The following ZNF835 variants were observed in gnomAD, a reference collection of about 807,000 sequenced individuals.
The protein encoded by ZNF835 is zinc finger protein 835.
For synonymous variants in ZNF835, 323 were observed against 324.7 expected, an observed-to-expected ratio of 0.99 and a Z score of 0.06; for missense variants, 783 against 758.4, an observed-to-expected ratio of 1.03 and a Z score of -0.38.
chr19:56,663,973 T>C lies in ZNF835; in HGVS notation c.1226A>G (p.Gln409Arg), dbSNP rs1403400521. 2 of 1,610,876 alleles carry C rather than the reference T, an allele frequency of 1.2e-6. No homozygotes were observed. The highest frequency in any genetic ancestry group is 1.7e-5 in the Admixed American group (1 of 59,928). ...FSHVSSLIEH[Q>R]KIHTGERPYK... ...GGGCCGCTCTCCGGTGTGGATCTTCTGGTGCTCTATAAGCGAGGACACGTG... is the reference window on the plus strand; with the variant it reads ...GGGCCGCTCTCCGGTGTGGATCTTCCGGTGCTCTATAAGCGAGGACACGTG... Residue 409 changes from glutamine (Q) to arginine (R), a missense_variant, in exon 2 of 2, where the codon CAG becomes CGG. Physicochemically the swap from Gln to Arg is conservative, Grantham distance 43. Coordinates refer to ENST00000537055, the MANE Select transcript of ZNF835 (RefSeq NM_001005850.3).
chr19:56,669,359 C>T (rs961323672), intron 1 of ZNF835, among the ~76,000 whole-genome samples: 4 of 152,080 alleles, frequency 2.6e-5, no homozygotes, highest in Admixed American at 6.6e-5. Flanking sequence ...ATGACACGGG[C>T]GTGACTGACA....
At position 56,663,162 on chromosome 19, in the gene ZNF835, G is replaced by GGA. The variant is rs2045200102; in HGVS notation, c.*422_*423insTC. Reference sequence around the variant, plus strand: ...GGCGACAGAGCAAGACTCCGTCTCAGAAAAAAAAAAAAAAAAAAATTAGCC... The same window carrying GGA: ...GGCGACAGAGCAAGACTCCGTCTCAGGAAAAAAAAAAAAAAAAAAAATTAGCC... On this transcript the variant is annotated 3_prime_UTR_variant, in exon 2 of 2. Coordinates refer to ENST00000537055, the MANE Select transcript of ZNF835 (RefSeq NM_001005850.3). 8.2e-6 allele frequency: 1 copy of GGA among 122,458 alleles called. No individual in the cohort carries two copies. The highest frequency in any genetic ancestry group is 1.6e-5 in the Non-Finnish European group (1 of 63,770). The allele number at this position is 122,458 out of a possible 1,614,324, so 7.6% of individuals were successfully genotyped here.
rs759310456 is a variant in ZNF835, at chr19:56,664,621, G to C, written c.578C>G (p.Pro193Arg). 6.2e-7 allele frequency: 1 copy of C among 1,606,300 alleles called. No individual in the cohort carries two copies. Among genetic ancestry groups the C allele is most frequent in the South Asian group, 1.1e-5 (1 of 90,578 alleles). Reference protein sequence around the residue: ...SHWRTHTGEKPHRCADCGKAF... With the variant: ...SHWRTHTGEKRHRCADCGKAF... ...CTTGCCGCAGTCGGCGCAGCGGTGC[G>C]GCTTCTCGCCCGTGTGCGTGCGCCA... Residue 193 changes from proline to arginine, a missense_variant, in exon 2 of 2, where the codon CCG becomes CGG. Physicochemically the swap from Pro to Arg is moderately radical, Grantham distance 103. Coordinates refer to ENST00000537055, the MANE Select transcript of ZNF835 (RefSeq NM_001005850.3).
intron 1 of ZNF835, among the ~76,000 whole-genome samples, chr19:56,670,804 G>A (rs948538822): frequency 6.6e-6 from 1 of 152,176 alleles, no homozygotes; most frequent in African/African-American, 2.4e-5. Context: ...TCATTGTGCT[G>A]GCAGGCACAC....
rs748246503 is a variant in ZNF835 at position 56,664,693 on chromosome 19, T to C, written c.506A>G (p.His169Arg). 5.6e-6 allele frequency: 9 copies of C among 1,604,846 alleles called. No homozygotes were observed. The highest frequency in any genetic ancestry group is 3.3e-5 in the South Asian group (3 of 90,388). The change falls in exon 2 of 2, where the codon CAC becomes CGC. Residue 169 changes from histidine to arginine, a missense_variant. Transcript: ENST00000537055. ...CTGGCTGAAGGCCTTGCCGCACTCG[T>C]GGCAGGCGTAGGGCTTCTCGCCCGT... Reference protein sequence around the residue: ...THTGEKPYACHECGKAFSQGS... With the variant: ...THTGEKPYACRECGKAFSQGS...
rs1217806762 is a variant in ZNF835 at position 56,663,255 on chromosome 19, GT to G, written c.*329del. ...AATCACTTGTACCCGGGAGGCAGAA[GT>G]TTCAGTGAGCCGAGATCGCTCCACT... On this transcript the variant is annotated 3_prime_UTR_variant, in exon 2 of 2. Transcript: ENST00000537055. 1 of 325,652 alleles carries G rather than the reference GT, an allele frequency of 3.1e-6. No homozygotes were observed. Among genetic ancestry groups the G allele is most frequent in the African/African-American group, 2.2e-5 (1 of 45,670 alleles). The allele number at this position is 325,652 out of a possible 1,614,324, so 20.2% of individuals were successfully genotyped here. A position where few individuals can be genotyped will look rare whatever the true frequency, so the allele number is the denominator to read the frequency against.
rs756072816 is a variant in ZNF835 at position 56,665,495 on chromosome 19, A to C, written c.-47-250T>G. On this transcript the variant is annotated intron_variant, in intron 1 of 1. Coordinates refer to ENST00000537055, the MANE Select transcript of ZNF835 (RefSeq NM_001005850.3). ...CTCAACCCCTGAGTTGTAACAATGA[A>C]AAATGTCTCCAGGCCGGACGTGGTG... 6.2e-6 allele frequency: 4 copies of C among 644,054 alleles called. 1 individual carries two copies. The highest frequency in any genetic ancestry group is 4.1e-5 in the South Asian group (3 of 72,420). The allele number at this position is 644,054 out of a possible 1,614,324, so 39.9% of individuals were successfully genotyped here.
intron 1 of ZNF835, among the ~76,000 whole-genome samples, chr19:56,668,344 C>G (rs994314393): frequency 1.1e-4 from 16 of 151,018 alleles, no homozygotes; most frequent in African/African-American, 3.7e-4. Flanking sequence ...CCGTCACACC[C>G]CAAAGGACCT....
At chr19:56,665,341 G>T in intron 1 of ZNF835, 96 bp from the exon 2 acceptor site, 2 of 1,130,258 alleles carry the variant, frequency 1.8e-6, no homozygotes, top group Non-Finnish European at 2.6e-6. Context: ...CTTAGCATGG[G>T]GTCCCTGGAC....
Position 56,671,662 on chromosome 19 carries a change from C to T in ZNF835, c.-134G>A, listed in dbSNP as rs993546276. On this transcript the variant is annotated 5_prime_UTR_variant, in exon 1 of 2. Transcript: ENST00000537055. ...GCAGTCGGCTCCGCTTCTACTCAGT[C>T]TCGGGTCCTCCTGGGCCAACGCAGA... The T allele has an allele frequency of 2.0e-5, 3 of 152,264 alleles. No individual in the cohort carries two copies. In the South Asian group the frequency reaches 6.2e-4, roughly 31 times the overall value. The allele number at this position is 152,264 out of a possible 1,614,324, so 9.4% of individuals were successfully genotyped here.
At chr19:56,670,369 C>T (rs1181459093) in intron 1 of ZNF835, among the ~76,000 whole-genome samples, 1 of 152,110 alleles carries the variant, frequency 6.6e-6, no homozygotes, top group Admixed American at 6.5e-5. Flanking sequence ...CAGGGTCATA[C>T]ACAATCATAC....
intron 1 of ZNF835, among the ~76,000 whole-genome samples, chr19:56,667,502 G>A (rs62130948): frequency 2.0e-4 from 30 of 152,076 alleles, no homozygotes; most frequent in African/African-American, 3.1e-4. Flanking sequence ...CCCTTCTCCC[G>A]AGGGACATGG....
intron 1 of ZNF835, among the ~76,000 whole-genome samples, chr19:56,670,685 T>C (rs1021826104): frequency 2.6e-5 from 4 of 152,202 alleles, no homozygotes; most frequent in African/African-American, 9.6e-5. Context: ...ACTCGGTGGA[T>C]AGAGCTCCAG....
chr19:56,665,546 T>G (rs1191429260), intron 1 of ZNF835: 2 of 535,994 alleles, frequency 3.7e-6, no homozygotes, highest in East Asian at 9.9e-5. Context: ...CCCAGCACTT[T>G]GGGAGGCCAA....
chr19:56,663,300 CAG>C lies in ZNF835; in HGVS notation c.*283_*284del. The stretch of plus-strand genomic sequence containing the variant: ...CTCCACTGCACTCTAGCCTGGGTGA[CAG>C]AGAGAGACACTGTCTCAAAGAAAAA... On this transcript the variant is annotated 3_prime_UTR_variant, in exon 2 of 2. Coordinates refer to ENST00000537055, the MANE Select transcript of ZNF835 (RefSeq NM_001005850.3). 8.4e-6 allele frequency: 4 copies of C among 475,366 alleles called. No homozygotes were observed. Among genetic ancestry groups the C allele is most frequent in the South Asian group, 4.8e-5 (2 of 41,300 alleles). 29.4% of individuals were successfully genotyped at this position (475,366 alleles called of 1,614,324 possible).
In ZNF835 at chr19:56,662,647, C is replaced by A. The variant is rs2045194575; in HGVS notation, c.*938G>T. 6.6e-6 allele frequency: 1 copy of A among 152,254 alleles called. No individual in the cohort carries two copies. The highest frequency in any genetic ancestry group is 1.5e-5 in the Non-Finnish European group (1 of 68,046). 9.4% of individuals were successfully genotyped at this position (152,254 alleles called of 1,614,324 possible). On this transcript the variant is annotated 3_prime_UTR_variant, in exon 2 of 2. Coordinates refer to ENST00000537055, the MANE Select transcript of ZNF835 (RefSeq NM_001005850.3). ...TCTGCTCCTTTAGTAAATATGCCAA[C>A]TTGGCCAAAGAAACCAAACCTTTTA...
chr19:56,663,638 T>G lies in ZNF835; in HGVS notation c.1561A>C (p.Thr521Pro), dbSNP rs745656879. 1.9e-6 allele frequency: 3 copies of G among 1,614,030 alleles called. No homozygotes were observed. The Admixed American group carries it at 5.0e-5, about 27-fold the overall frequency. ...STPGLSQGGE[T>P]CQQGCPGRNP... is the part of the protein sequence containing the mutation. ...CTGCCAGGGCACCCCTGTTGACAGGTTTCTCCTCCCTGTGAGAGCCCAGGT... is the reference window on the plus strand; with the variant it reads ...CTGCCAGGGCACCCCTGTTGACAGGGTTCTCCTCCCTGTGAGAGCCCAGGT... Residue 521 changes from threonine to proline, a missense_variant, in exon 2 of 2, where the codon ACC becomes CCC. Transcript: ENST00000537055.
In ZNF835 at chr19:56,664,859, C is replaced by T. The variant is rs754191991; in HGVS notation, c.340G>A (p.Asp114Asn). The T allele has an allele frequency of 5.6e-6, 9 of 1,613,738 alleles. No homozygotes were observed. The South Asian group carries it at 6.6e-5, about 12-fold the overall frequency. ...CAGTAGCTGAAGGCCTTCCCGCAGTCCCCGCATTTCCACGGCTTCTTGGGG... is the reference window on the plus strand; with the variant it reads ...CAGTAGCTGAAGGCCTTCCCGCAGTTCCCGCATTTCCACGGCTTCTTGGGG... ...GGPKKPWKCG[D>N]CGKAFSYCSA... The change falls in exon 2 of 2, where the codon GAC becomes AAC. Residue 114 changes from aspartate (D) to asparagine (N), a missense_variant. Physicochemically the swap from Asp to Asn is conservative, Grantham distance 23. Coordinates refer to ENST00000537055, the MANE Select transcript of ZNF835 (RefSeq NM_001005850.3).
rs549698825 is a variant in ZNF835, at chr19:56,667,389, C to A, written c.-47-2144G>T. ...GGGGCTAGCCCCAGAGGAGGGGGCTCACACTGCTGGGAGGTCCTTTCCAGG... is the reference window on the plus strand; with the variant it reads ...GGGGCTAGCCCCAGAGGAGGGGGCTAACACTGCTGGGAGGTCCTTTCCAGG... On this transcript the variant is annotated intron_variant, in intron 1 of 1. Transcript: ENST00000537055. 5.3e-5 allele frequency among the ~76,000 whole-genome samples: 8 copies of A among 152,354 alleles called. No homozygotes were observed. The South Asian group carries it at 1.7e-3, about 32-fold the overall frequency.
Sources: gnomAD v4.1 joint callset for allele counts (sites outside exome capture counted in the v4.1 genomes callset) on GRCh38, gnomAD v4.1.1 for gene constraint, MANE v1.5 for transcripts, NCBI Gene and HGNC (gene_info 2026-07-23, HGNC 2026-07-21) for gene names.